Variants in KCNH1 observed in about 807,000 individuals in gnomAD.
KCNH1 encodes potassium voltage-gated channel subfamily H member 1, also known as voltage-gated delayed rectifier potassium channel KCNH1.
Under a neutral mutation model 69.2 loss-of-function variants are expected in KCNH1, and 27 were observed. The observed-to-expected ratio is 0.39, with a 90% CI of 0.29 to 0.54. KCNH1 has a LOEUF of 0.54. Ranked by LOEUF, KCNH1 falls within the 20% of genes least tolerant of loss-of-function variation. The probability of loss-of-function intolerance (pLI) is 0.68; values close to 1 mark genes in which losing one functional copy is unlikely to be tolerated. For missense variants in KCNH1, 798 were observed against 1,261.6 expected, an observed-to-expected ratio of 0.63 and a Z score of 5.57; for synonymous variants, 456 against 487.7, an observed-to-expected ratio of 0.93 and a Z score of 0.86.
chr1:210,964,626 A>T (rs180997850), intron 6 of KCNH1, among the ~76,000 whole-genome samples: 1 of 152,276 alleles, frequency 6.6e-6, no homozygotes, highest in African/African-American at 2.4e-5. Context: ...TACAAATCAA[A>T]AAAAGTCCAG....
intron 5 of KCNH1, among the ~76,000 whole-genome samples, chr1:211,051,854 A>C (rs1690211967): frequency 3.9e-5 from 6 of 152,222 alleles, no homozygotes; most frequent in Admixed American, 3.9e-4. Context: ...AGGGAGGCTA[A>C]GTAACTTTTA....
At chr1:210,985,859 ATCTG>A (rs1181126852) in intron 6 of KCNH1, among the ~76,000 whole-genome samples, 1 of 152,162 alleles carries the variant, frequency 6.6e-6, no homozygotes, top group African/African-American at 2.4e-5. Context: ...TGTCTCATTG[ATCTG>A]TCTAATGTTG....
chr1:211,088,531 C>T (rs1690995752), intron 4 of KCNH1, among the ~76,000 whole-genome samples: 1 of 152,130 alleles, frequency 6.6e-6, no homozygotes, highest in Admixed American at 6.5e-5. Flanking sequence ...CTAAGCAGAC[C>T]ACCAAACCAC....
intron 10 of KCNH1, among the ~76,000 whole-genome samples, chr1:210,751,590 G>C (rs967284424): frequency 1.3e-5 from 2 of 152,062 alleles, no homozygotes; most frequent in African/African-American, 4.8e-5. Flanking sequence ...TGGTGTAGTG[G>C]GTAGGGGCCA....
chr1:210,749,801 G>A (rs527869871), intron 10 of KCNH1, among the ~76,000 whole-genome samples: 1 of 142,106 alleles, frequency 7.0e-6, no homozygotes, highest in Admixed American at 7.5e-5. Flanking sequence ...AGAGTACAAT[G>A]GCGTGATCTC....
At chr1:210,822,956 G>A (rs1385842350) in intron 7 of KCNH1, among the ~76,000 whole-genome samples, 1 of 152,180 alleles carries the variant, frequency 6.6e-6, no homozygotes, top group Non-Finnish European at 1.5e-5. Context: ...TGGGAGGGTA[G>A]CTTTTCACTT....
Position 210,861,343 on chromosome 1 carries a change from G to A in KCNH1, c.1463-57177C>T, listed in dbSNP as rs947177425. 71 of 785,790 alleles carry A rather than the reference G, an allele frequency of 9.0e-5. 1 individual carries two copies. The highest frequency in any genetic ancestry group is 7.4e-4 in the South Asian group (55 of 74,572). 48.7% of individuals were successfully genotyped at this position (785,790 alleles called of 1,614,324 possible). A position where few individuals can be genotyped will look rare whatever the true frequency, so the allele number is the denominator to read the frequency against. ...CTTGAGGAGCCATATATTGCTTCTC[G>A]TTGTACTGTTATAACACTTTCAATA... On this transcript the variant is annotated intron_variant, in intron 7 of 10. Transcript: ENST00000271751.
At chr1:211,059,309 A>G (rs1372763697) in intron 5 of KCNH1, among the ~76,000 whole-genome samples, 1 of 151,902 alleles carries the variant, frequency 6.6e-6, no homozygotes, top group African/African-American at 2.4e-5. Flanking sequence ...AGAGAGAGAC[A>G]GAAAGTCATT....
rs1004850783 is a variant in KCNH1, at chr1:211,105,178, G to C, written c.204-1576C>G. Among the ~76,000 whole-genome samples, 7 of 152,198 alleles carry C rather than the reference G, an allele frequency of 4.6e-5. No homozygotes were observed. In the South Asian group the frequency reaches 6.2e-4, roughly 14 times the overall value. Reference sequence around the variant, plus strand: ...TATAAGCCAGGAAACGGAAAACTGAGCTTGTTAAATTATCTCTAGAAAGAA... The same window carrying C: ...TATAAGCCAGGAAACGGAAAACTGACCTTGTTAAATTATCTCTAGAAAGAA... On this transcript the variant is annotated intron_variant, in intron 2 of 10. Transcript: ENST00000271751.
intron 5 of KCNH1, among the ~76,000 whole-genome samples, chr1:211,078,513 T>G (rs181889132): frequency 2.5e-3 from 382 of 152,308 alleles, no homozygotes; most frequent in African/African-American, 8.8e-3. Flanking sequence ...TGCTCCTGAA[T>G]GACTACTGGG....
chr1:211,053,552 T>C (rs1438018930), intron 5 of KCNH1, among the ~76,000 whole-genome samples: 1 of 152,290 alleles, frequency 6.6e-6, no homozygotes, highest in East Asian at 1.9e-4. Context: ...AAACTCATCA[T>C]CTATCTAGAA....
At chr1:210,969,284 T>C (rs894471568) in intron 6 of KCNH1, among the ~76,000 whole-genome samples, 4 of 152,052 alleles carry the variant, frequency 2.6e-5, no homozygotes, top group East Asian at 1.9e-4. Flanking sequence ...TCTTACAGAA[T>C]GAATTGAGAA....
intron 7 of KCNH1, among the ~76,000 whole-genome samples, chr1:210,917,235 GAA>G (rs1687359868): frequency 1.8e-4 from 23 of 124,370 alleles, no homozygotes; most frequent in South Asian, 2.7e-4. Context: ...GAGAGAGAAA[GAA>G]AGAAAGAAAG....
intron 3 of KCNH1, among the ~76,000 whole-genome samples, chr1:211,091,866 T>A (rs777572050): frequency 1.3e-5 from 2 of 152,108 alleles, no homozygotes; most frequent in Non-Finnish European, 2.9e-5. Flanking sequence ...ATAAACATCT[T>A]CTAGCCATAG....
At chr1:210,887,179 C>T (rs868341721) in intron 7 of KCNH1, among the ~76,000 whole-genome samples, 3 of 152,156 alleles carry the variant, frequency 2.0e-5, no homozygotes, top group African/African-American at 7.2e-5. Context: ...GGAAGCCCAT[C>T]AGACTAACAG....
intron 7 of KCNH1, among the ~76,000 whole-genome samples, chr1:210,866,814 G>A (rs1337800430): frequency 1.3e-5 from 2 of 152,052 alleles, no homozygotes; most frequent in Non-Finnish European, 2.9e-5. Flanking sequence ...TGCTCATAAT[G>A]TTCATAGGAA....
At chr1:210,809,076 C>T (rs1684645040) in intron 7 of KCNH1, among the ~76,000 whole-genome samples, 1 of 150,804 alleles carries the variant, frequency 6.6e-6, no homozygotes, top group Non-Finnish European at 1.5e-5. Flanking sequence ...AGAGTTTATA[C>T]TATATCACAG....
At position 210,807,517 on chromosome 1, in the gene KCNH1, C is replaced by G. The variant is rs558459714; in HGVS notation, c.1463-3351G>C. ...GTCCCAGCAACTTGGAAGGCTAAGGCACAAGAATCACTTGAACCTGGGAGG... is the reference window on the plus strand; with the variant it reads ...GTCCCAGCAACTTGGAAGGCTAAGGGACAAGAATCACTTGAACCTGGGAGG... On this transcript the variant is annotated intron_variant, in intron 7 of 10. Transcript: ENST00000271751. Among the ~76,000 whole-genome samples, 75 of 152,094 alleles carry G rather than the reference C, an allele frequency of 4.9e-4. No homozygotes were observed. The Middle Eastern group carries it at 0.02, about 41-fold the overall frequency.
At chr1:210,949,137 T>C (rs889142832) in intron 6 of KCNH1, among the ~76,000 whole-genome samples, 1 of 152,140 alleles carries the variant, frequency 6.6e-6, no homozygotes, top group Non-Finnish European at 1.5e-5. Flanking sequence ...TAGCCTTTTA[T>C]ACTTAAAGGG....
Sources: gnomAD v4.1 joint callset for allele counts (sites outside exome capture counted in the v4.1 genomes callset) on GRCh38, gnomAD v4.1.1 for gene constraint, MANE v1.5 for transcripts, NCBI Gene and HGNC (gene_info 2026-07-23, HGNC 2026-07-21) for gene names.